HDAC9: variants seen among roughly 807,000 people sequenced by gnomAD.
HDAC9 encodes histone deacetylase 9.
Under a neutral mutation model 139.4 loss-of-function variants are expected in HDAC9, and 41 were observed. The observed-to-expected ratio is 0.29, with a 90% CI of 0.23 to 0.38. HDAC9 has a LOEUF of 0.38. HDAC9 is among the 10% of genes least tolerant of loss of function. The pLI is 1.00. For synonymous variants in HDAC9, 517 were observed against 476.2 expected (o/e 1.09, Z -1.12); for missense variants, 1,147 against 1,297.0 (o/e 0.88, Z 1.78).
At chr7:18,548,249 G>T (rs1052267596) in intron 2 of HDAC9, among the ~76,000 whole-genome samples, 1 of 152,042 alleles carries the variant, frequency 6.6e-6, no homozygotes, top group African/African-American at 2.4e-5. Context: ...TATGGGTGTG[G>T]TTCGTGGTGC....
intron 2 of HDAC9, among the ~76,000 whole-genome samples, chr7:18,166,248 C>T (rs1045175562): frequency 2.0e-5 from 3 of 152,140 alleles, no homozygotes; most frequent in African/African-American, 7.2e-5. Context: ...GTTGCAAAGT[C>T]CTGTAACATT....
At chr7:18,149,360 T>G (rs941990698) in intron 1 of HDAC9, among the ~76,000 whole-genome samples, 8 of 147,502 alleles carry the variant, frequency 5.4e-5, no homozygotes, top group Admixed American at 4.0e-4. Flanking sequence ...TTTTTCTTTT[T>G]TTTTTTTTGT....
At chr7:18,976,209 A>G (rs893717743) in intron 25 of HDAC9, among the ~76,000 whole-genome samples, 2 of 152,250 alleles carry the variant, frequency 1.3e-5, no homozygotes, top group African/African-American at 2.4e-5. Context: ...AATGGTGAGA[A>G]AAATCACGCC....
chr7:18,602,308 C>T (rs1361283789), intron 6 of HDAC9, among the ~76,000 whole-genome samples: 1 of 151,992 alleles, frequency 6.6e-6, no homozygotes, highest in African/African-American at 2.4e-5. Flanking sequence ...ACCCCTCTTT[C>T]ATTTCTAATA....
At chr7:18,167,114 T>TTG in intron 2 of HDAC9, among the ~76,000 whole-genome samples, 1 of 152,196 alleles carries the variant, frequency 6.6e-6, no homozygotes, top group Non-Finnish European at 1.5e-5. Context: ...TTTTTGATGT[T>TTG]TGTTGTAGCA....
intron 22 of HDAC9, among the ~76,000 whole-genome samples, chr7:18,923,066 T>A (rs1407396681): frequency 6.6e-6 from 1 of 152,064 alleles, no homozygotes; most frequent in African/African-American, 2.4e-5. Flanking sequence ...CACTATGAAT[T>A]TCTTTTGTCA....
At chr7:18,895,157 A>G (rs1801069291) in intron 22 of HDAC9, among the ~76,000 whole-genome samples, 1 of 152,150 alleles carries the variant, frequency 6.6e-6, no homozygotes, top group Non-Finnish European at 1.5e-5. Flanking sequence ...ATAACTTTAA[A>G]GTGAGACCAG....
At chr7:18,707,674 T>C (rs1277996225) in intron 12 of HDAC9, among the ~76,000 whole-genome samples, 1 of 152,182 alleles carries the variant, frequency 6.6e-6, no homozygotes, top group Non-Finnish European at 1.5e-5. Context: ...AGTTTATTCA[T>C]GCATGGTGGA....
intron 1 of HDAC9, among the ~76,000 whole-genome samples, chr7:18,411,223 T>G (rs934642616): frequency 3.9e-5 from 6 of 152,186 alleles, no homozygotes; most frequent in African/African-American, 1.4e-4. Flanking sequence ...TATATATAGA[T>G]AGTCCCCGAT....
At chr7:18,914,172 A>T (rs575061532) in intron 22 of HDAC9, among the ~76,000 whole-genome samples, 1 of 151,706 alleles carries the variant, frequency 6.6e-6, no homozygotes, top group East Asian at 2.0e-4. Flanking sequence ...TATGCACCAG[A>T]AAGTGGGCCT....
rs982736540 is a variant in HDAC9 at position 19,001,489 on chromosome 7, T to C, written c.*5427T>C. The C allele has an allele frequency of 1.3e-5, 2 of 151,876 alleles. No individual in the cohort carries two copies. Among genetic ancestry groups the C allele is most frequent in the African/African-American group, 4.8e-5 (2 of 41,354 alleles). The allele number at this position is 151,876 out of a possible 1,614,324, so 9.4% of individuals were successfully genotyped here. A position where few individuals can be genotyped will look rare whatever the true frequency, so the allele number is the denominator to read the frequency against. On this transcript the variant is annotated 3_prime_UTR_variant, in exon 26 of 26. Coordinates refer to ENST00000686413, the MANE Select transcript of HDAC9 (RefSeq NM_178425.4). Reference sequence around the variant, plus strand: ...CATTTTGTGACAATTCATAGAGATCTTGCAGCAATATTTGGCTATTGGTTT... The same window carrying C: ...CATTTTGTGACAATTCATAGAGATCCTGCAGCAATATTTGGCTATTGGTTT...
At chr7:18,353,123 C>G (rs983007406) in intron 1 of HDAC9, among the ~76,000 whole-genome samples, 2 of 152,070 alleles carry the variant, frequency 1.3e-5, no homozygotes, top group Admixed American at 1.3e-4. Context: ...AGGAAGAATG[C>G]TTAATTAGCT....
intron 25 of HDAC9, among the ~76,000 whole-genome samples, chr7:18,991,434 A>AGATTG (rs1785942232): frequency 6.6e-6 from 1 of 152,076 alleles, no homozygotes; most frequent in Admixed American, 6.5e-5. Flanking sequence ...AGGTCAGATC[A>AGATTG]AGACCATCCT....
intron 2 of HDAC9, among the ~76,000 whole-genome samples, chr7:18,518,808 T>G (rs1164457358): frequency 1.3e-5 from 2 of 152,224 alleles, no homozygotes; most frequent in Non-Finnish European, 2.9e-5. Context: ...TCTAACCCAT[T>G]TTGGAAAGCA....
chr7:18,694,361 C>T (rs564342710), intron 12 of HDAC9, among the ~76,000 whole-genome samples: 1 of 152,244 alleles, frequency 6.6e-6, no homozygotes, highest in South Asian at 2.1e-4. Flanking sequence ...CAAGATGACC[C>T]ATACCACATT....
chr7:18,610,962 A>T (rs1028579412), intron 6 of HDAC9, among the ~76,000 whole-genome samples: 31 of 152,138 alleles, frequency 2.0e-4, no homozygotes, highest in Non-Finnish European at 3.8e-4. Context: ...ATTCTTTCCT[A>T]TTACATTCTT....
intron 1 of HDAC9, among the ~76,000 whole-genome samples, chr7:18,157,804 T>TGAGA (rs67690215): frequency 0.1 from 11,157 of 109,268 alleles, 1,080 homozygotes; most frequent in Non-Finnish European, 0.11. Flanking sequence ...TTCTAAGGCA[T>TGAGA]GAGAGAGAGA....
chr7:18,510,118 C>A (rs1801020233), intron 2 of HDAC9, among the ~76,000 whole-genome samples: 1 of 152,110 alleles, frequency 6.6e-6, no homozygotes, highest in Non-Finnish European at 1.5e-5. Flanking sequence ...GGTGTTAGAG[C>A]TTTTTGCCCC....
intron 1 of HDAC9, among the ~76,000 whole-genome samples, chr7:18,477,390 T>TGTGCGTGA (rs1554431889): frequency 2.0e-5 from 3 of 151,874 alleles, no homozygotes; most frequent in Admixed American, 2.0e-4. Context: ...ATCAGTTATG[T>TGTGCGTGA]GTGCGTGCGT....
Sources: allele counts gnomAD v4.1 joint callset (sites outside exome capture counted in the v4.1 genomes callset), GRCh38; gene constraint gnomAD v4.1.1; transcripts MANE v1.5; gene names NCBI Gene and HGNC (gene_info 2026-07-23, HGNC 2026-07-21).